The following ABCC4 variants were observed in gnomAD, a reference collection of about 807,000 sequenced individuals.
ABCC4 encodes the protein ATP-binding cassette sub-family C member 4.
A neutral mutation model predicts 168.5 loss-of-function variants in ABCC4; 102 were observed. The observed-to-expected ratio is 0.61, with a 90% CI of 0.52 to 0.71. The LOEUF (loss-of-function observed/expected upper bound fraction) is 0.71. ABCC4 is among the 30% of genes least tolerant of loss of function. The pLI, the probability that ABCC4 is intolerant of heterozygous loss-of-function variation, is 0.00. For missense variants in ABCC4, 1,402 were observed against 1,605.8 expected, an observed-to-expected ratio of 0.87 and a Z score of 2.17; for synonymous variants, 617 against 590.7, an observed-to-expected ratio of 1.04 and a Z score of -0.65.
chr13:95,029,321 A>G (rs1325176100), intron 30 of ABCC4, among the ~76,000 whole-genome samples: 1 of 150,170 alleles, frequency 6.7e-6, no homozygotes, highest in Non-Finnish European at 1.5e-5. Context: ...TGAGGTAACT[A>G]TATGTATTGA....
At chr13:95,173,151 A>C (rs746427216) in intron 13 of ABCC4, among the ~76,000 whole-genome samples, 1 of 152,222 alleles carries the variant, frequency 6.6e-6, no homozygotes, top group Non-Finnish European at 1.5e-5. Flanking sequence ...ATGAAGAGAC[A>C]GCCAGGCAAA....
At chr13:95,181,626 T>C (rs1053142029) in intron 11 of ABCC4, among the ~76,000 whole-genome samples, 2 of 152,238 alleles carry the variant, frequency 1.3e-5, no homozygotes, top group African/African-American at 4.8e-5. Context: ...CACCAACCAC[T>C]GTTCCTGATG....
chr13:95,064,297 T>TATATATATACAC (rs1555306881), intron 25 of ABCC4, among the ~76,000 whole-genome samples: 46 of 105,068 alleles, frequency 4.4e-4, no homozygotes, highest in Non-Finnish European at 7.2e-4. Flanking sequence ...TATATATATA[T>TATATATATACAC]ACACACACAC....
At chr13:95,183,873 C>G (rs1158544713) in intron 11 of ABCC4, among the ~76,000 whole-genome samples, 1 of 152,086 alleles carries the variant, frequency 6.6e-6, no homozygotes, top group African/African-American at 2.4e-5. Context: ...GAGATTACAC[C>G]ATTAGACTCC....
At chr13:95,287,510 C>G (rs1163276903) in intron 1 of ABCC4, among the ~76,000 whole-genome samples, 1 of 149,864 alleles carries the variant, frequency 6.7e-6, no homozygotes, top group Non-Finnish European at 1.5e-5. Flanking sequence ...TCGTTTGAAT[C>G]TGGGAGGTAG....
At chr13:95,190,039 TAA>T (rs112163009) in intron 9 of ABCC4, among the ~76,000 whole-genome samples, 99 of 149,500 alleles carry the variant, frequency 6.6e-4, no homozygotes, top group Non-Finnish European at 1.1e-3. Context: ...CTGCTAATGT[TAA>T]AAAAAAAAAA....
chr13:95,249,516 G>A lies in ABCC4; in HGVS notation c.75-1763C>T, dbSNP rs183117456. Among the ~76,000 whole-genome samples, 183 of 152,230 alleles carry A rather than the reference G, an allele frequency of 1.2e-3. 1 individual carries two copies. In the South Asian group the frequency reaches 0.016, roughly 13 times the overall value. ...GTATCCAAGTTATGTTCAGGATTCCGGAAACCTCCTGCTGATCCAAACTAG... is the reference window on the plus strand; with the variant it reads ...GTATCCAAGTTATGTTCAGGATTCCAGAAACCTCCTGCTGATCCAAACTAG... On this transcript the variant is annotated intron_variant, in intron 1 of 30. Coordinates refer to ENST00000645237, the MANE Select transcript of ABCC4 (RefSeq NM_005845.5).
At chr13:95,234,330 GCC>G (rs2039703235) in intron 4 of ABCC4, among the ~76,000 whole-genome samples, 2 of 152,180 alleles carry the variant, frequency 1.3e-5, no homozygotes, top group East Asian at 3.9e-4. Context: ...AGGCAGCCAT[GCC>G]CTGACAGCAG....
At chr13:95,106,028 G>C (rs187147180) in intron 20 of ABCC4, among the ~76,000 whole-genome samples, 3 of 152,262 alleles carry the variant, frequency 2.0e-5, no homozygotes, top group Admixed American at 2.0e-4. Flanking sequence ...CTCTAAAGGA[G>C]AGAGATGCAT....
chr13:95,044,920 A>T (rs28701657), intron 27 of ABCC4, among the ~76,000 whole-genome samples: 2 of 152,218 alleles, frequency 1.3e-5, no homozygotes, highest in Non-Finnish European at 2.9e-5. Flanking sequence ...TTGGGGTAAG[A>T]GAGATGTTTT....
intron 19 of ABCC4, among the ~76,000 whole-genome samples, chr13:95,146,738 G>C (rs898045182): frequency 6.6e-6 from 1 of 152,174 alleles, no homozygotes; most frequent in Non-Finnish European, 1.5e-5. Context: ...TACTGCAGAT[G>C]AAACAAGACA....
In ABCC4 at chr13:95,249,294, T is replaced by C. The variant is rs559095615; in HGVS notation, c.75-1541A>G. 2.1e-3 allele frequency among the ~76,000 whole-genome samples: 323 copies of C among 152,248 alleles called. 2 individuals carry two copies. The highest frequency in any genetic ancestry group is 7.4e-3 in the African/African-American group (307 of 41,540). ...TAATAACTTTGATAGATGCAATTAC[T>C]CAATTACACAAACTTCTTTCATCTT... On this transcript the variant is annotated intron_variant, in intron 1 of 30. Transcript: ENST00000645237.
At chr13:95,261,835 T>G (rs2040538549) in intron 1 of ABCC4, among the ~76,000 whole-genome samples, 1 of 151,986 alleles carries the variant, frequency 6.6e-6, no homozygotes, top group South Asian at 2.1e-4. Flanking sequence ...TGGTGGCTCA[T>G]GCCTATAATA....
chr13:95,051,143 G>A (rs1272273806), intron 27 of ABCC4, among the ~76,000 whole-genome samples: 1 of 152,194 alleles, frequency 6.6e-6, no homozygotes, highest in African/African-American at 2.4e-5. Context: ...TCAAGTATCA[G>A]GAGGTGAAGT....
intron 19 of ABCC4, 143 bp from the exon 20 acceptor site, chr13:95,116,144 A>G (rs945203146): frequency 3.2e-5 from 17 of 538,188 alleles, no homozygotes; most frequent in Non-Finnish European, 5.0e-5. Flanking sequence ...TGTCAGTGGT[A>G]AAGAAAAAGA....
At chr13:95,184,255 T>C (rs1224217339) in intron 11 of ABCC4, among the ~76,000 whole-genome samples, 5 of 152,172 alleles carry the variant, frequency 3.3e-5, no homozygotes, top group Non-Finnish European at 5.9e-5. Flanking sequence ...GACTTTCTGA[T>C]GTGGGAAGGA....
chr13:95,069,952 G>T (rs1034505912), intron 25 of ABCC4, among the ~76,000 whole-genome samples: 4 of 152,182 alleles, frequency 2.6e-5, no homozygotes, highest in African/African-American at 9.7e-5. Flanking sequence ...TTACATTAAA[G>T]AATCTGGCCA....
chr13:95,261,394 A>C (rs1201747132), intron 1 of ABCC4, among the ~76,000 whole-genome samples: 2 of 152,164 alleles, frequency 1.3e-5, no homozygotes, highest in Admixed American at 1.3e-4. Flanking sequence ...TGTTGCAGTG[A>C]GCCAAAATCA....
rs185186699 is a variant in ABCC4 at position 95,191,794 on chromosome 13, T to C, written c.1263+3042A>G. ...CTCTTTCCTAACAACTACTTCTGAT[T>C]TTACTTCTTTTTATTCAGTTTTGGC... On this transcript the variant is annotated intron_variant, in intron 9 of 30. Coordinates refer to ENST00000645237, the MANE Select transcript of ABCC4 (RefSeq NM_005845.5). Among the ~76,000 whole-genome samples the C allele has an allele frequency of 1.7e-3, 257 of 152,358 alleles. 1 individual carries two copies. The highest frequency in any genetic ancestry group is 5.9e-3 in the African/African-American group (246 of 41,588).
Sources: allele counts gnomAD v4.1 joint callset (sites outside exome capture counted in the v4.1 genomes callset), GRCh38; gene constraint gnomAD v4.1.1; transcripts MANE v1.5; gene names NCBI Gene and HGNC (gene_info 2026-07-23, HGNC 2026-07-21).